Variants in EEFSEC observed in about 807,000 individuals in gnomAD.
The protein encoded by EEFSEC is selenocysteine-specific elongation factor.
A neutral mutation model predicts 42.1 loss-of-function variants in EEFSEC; 43 were observed. The ratio of observed to expected loss-of-function variants is 1.02; its 90% CI spans 0.80 to 1.32. EEFSEC has a LOEUF of 1.32. EEFSEC is among the 40% of genes most tolerant of loss of function. The pLI, the probability that EEFSEC is intolerant of heterozygous loss-of-function variation, is 0.00. For synonymous variants in EEFSEC, 354 were observed against 339.1 expected (o/e 1.04, Z -0.48); for missense variants, 745 against 803.6 (o/e 0.93, Z 0.88).
rs112886608 is a variant in EEFSEC at position 128,189,943 on chromosome 3, A to G, written c.316+36120A>G. On this transcript the variant is annotated intron_variant, in intron 1 of 6. Coordinates refer to ENST00000254730, the MANE Select transcript of EEFSEC (RefSeq NM_021937.5). Reference sequence around the variant, plus strand: ...AGTGGCACGATCTTGGCTCACTGCAACCTCCACCTCCCGGATTCAAGCAGT... The same window carrying G: ...AGTGGCACGATCTTGGCTCACTGCAGCCTCCACCTCCCGGATTCAAGCAGT... 2.0e-3 allele frequency among the ~76,000 whole-genome samples: 303 copies of G among 149,978 alleles called. 1 individual carries two copies. The highest frequency in any genetic ancestry group is 7.1e-3 in the African/African-American group (289 of 40,636).
chr3:128,385,828 C>G (rs2067831942), intron 6 of EEFSEC, among the ~76,000 whole-genome samples: 1 of 152,230 alleles, frequency 6.6e-6, no homozygotes, highest in African/African-American at 2.4e-5. Context: ...TGGGGCACGA[C>G]ACTGATAGGC....
chr3:128,231,729 G>A (rs774881339), intron 1 of EEFSEC, among the ~76,000 whole-genome samples: 24 of 152,070 alleles, frequency 1.6e-4, no homozygotes, highest in East Asian at 3.9e-4. Context: ...AGGGGTTCTC[G>A]GTGCCCTGTT....
At chr3:128,407,873 G>C (rs985666087) in intron 6 of EEFSEC, among the ~76,000 whole-genome samples, 196 bp from the exon 7 acceptor site, 1 of 152,188 alleles carries the variant, frequency 6.6e-6, no homozygotes, top group Non-Finnish European at 1.5e-5. Flanking sequence ...GGCCCCAAGA[G>C]GCACAGTGCC....
At chr3:128,254,204 G>A (rs2066218223) in intron 2 of EEFSEC, among the ~76,000 whole-genome samples, 1 of 152,212 alleles carries the variant, frequency 6.6e-6, no homozygotes. Context: ...TTCTGAGGAA[G>A]GCAAGTTTGC....
At chr3:128,223,508 C>G (rs1170882424) in intron 1 of EEFSEC, among the ~76,000 whole-genome samples, 1 of 152,128 alleles carries the variant, frequency 6.6e-6, no homozygotes, top group Non-Finnish European at 1.5e-5. Flanking sequence ...TGGAGTCTGA[C>G]CATTGACTTT....
At chr3:128,421,640 G>A in the EEFSEC span, among the ~76,000 whole-genome samples, 2 of 152,206 alleles carry the variant, frequency 1.3e-5, no homozygotes, top group East Asian at 1.9e-4. Flanking sequence ...ACGACCTCCC[G>A]GTGCACAGAG....
At chr3:128,306,840 G>A (rs1488059806) in intron 4 of EEFSEC, among the ~76,000 whole-genome samples, 1 of 152,230 alleles carries the variant, frequency 6.6e-6, no homozygotes, top group African/African-American at 2.4e-5. Context: ...TTGCTAATTG[G>A]TTGAGCTGTG....
intron 6 of EEFSEC, among the ~76,000 whole-genome samples, chr3:128,403,159 A>G (rs1479455167): frequency 6.6e-6 from 1 of 152,186 alleles, no homozygotes; most frequent in East Asian, 1.9e-4. Flanking sequence ...CGGAGCTCCC[A>G]AGTCCACAGG....
intron 6 of EEFSEC, among the ~76,000 whole-genome samples, chr3:128,380,086 A>G (rs763515882): frequency 2.0e-5 from 3 of 152,170 alleles, no homozygotes; most frequent in Non-Finnish European, 4.4e-5. Context: ...GCAGGGCCTG[A>G]CCACAGAGCT....
intron 4 of EEFSEC, among the ~76,000 whole-genome samples, chr3:128,336,611 T>C (rs568098896): frequency 9.2e-5 from 14 of 152,342 alleles, no homozygotes; most frequent in Admixed American, 9.2e-4. Context: ...AGGCCTGCTC[T>C]GCTCTTCCCT....
chr3:128,378,452 A>C (rs2067734998), intron 6 of EEFSEC, among the ~76,000 whole-genome samples: 1 of 152,166 alleles, frequency 6.6e-6, no homozygotes, highest in East Asian at 1.9e-4. Flanking sequence ...GACAGGAATC[A>C]TGTTGGATCT....
chr3:128,306,511 T>C (rs554237100), intron 4 of EEFSEC, among the ~76,000 whole-genome samples: 1 of 152,374 alleles, frequency 6.6e-6, no homozygotes, highest in African/African-American at 2.4e-5. Context: ...TTCTATTTGT[T>C]AACGTAATCT....
intron 1 of EEFSEC, among the ~76,000 whole-genome samples, chr3:128,196,632 T>G (rs1204951873): frequency 3.3e-5 from 5 of 152,246 alleles, no homozygotes; most frequent in Admixed American, 1.3e-4. Context: ...GTAAACATCA[T>G]TTTTTCATGC....
At chr3:128,327,456 T>C (rs2067077486) in intron 4 of EEFSEC, among the ~76,000 whole-genome samples, 1 of 152,214 alleles carries the variant, frequency 6.6e-6, no homozygotes. Context: ...TTTATACATC[T>C]GTCTCCCCAG....
chr3:128,319,745 A>G (rs2066987272), intron 4 of EEFSEC, among the ~76,000 whole-genome samples: 1 of 152,112 alleles, frequency 6.6e-6, no homozygotes, highest in African/African-American at 2.4e-5. Context: ...ATGCCACACC[A>G]TGTTCTGTTT....
chr3:128,290,742 G>T (rs945829707), intron 4 of EEFSEC, among the ~76,000 whole-genome samples: 1 of 151,784 alleles, frequency 6.6e-6, no homozygotes, highest in Admixed American at 6.6e-5. Flanking sequence ...TTTTGGGGTT[G>T]TTTTGTTTGT....
intron 5 of EEFSEC, among the ~76,000 whole-genome samples, chr3:128,357,156 G>A (rs985516290): frequency 2.1e-4 from 32 of 152,384 alleles, no homozygotes; most frequent in African/African-American, 6.7e-4. Context: ...GCAGGGGTGG[G>A]GTGAGGAGCT....
intron 3 of EEFSEC, 121 bp downstream of exon 3, chr3:128,262,345 T>C: frequency 3.6e-6 from 3 of 836,948 alleles, no homozygotes; most frequent in Non-Finnish European, 5.7e-6. Flanking sequence ...ACTCAGTTGG[T>C]TCCATTAACC....
At chr3:128,295,112 A>G (rs2066688836) in intron 4 of EEFSEC, among the ~76,000 whole-genome samples, 1 of 152,236 alleles carries the variant, frequency 6.6e-6, no homozygotes, top group South Asian at 2.1e-4. Context: ...TTGGTCATCC[A>G]GGCTCAGGTG....
Sources: allele counts gnomAD v4.1 joint callset (sites outside exome capture counted in the v4.1 genomes callset), GRCh38; gene constraint gnomAD v4.1.1; transcripts MANE v1.5; gene names NCBI Gene and HGNC (gene_info 2026-07-23, HGNC 2026-07-21).